Variants in PPP4R2 observed in about 807,000 individuals in gnomAD.
PPP4R2 encodes the protein protein phosphatase 4 regulatory subunit 2.
In PPP4R2, 13 loss-of-function variants were observed where a neutral mutation model predicts 47.2. The ratio of observed to expected loss-of-function variants is 0.28; its 90% CI spans 0.18 to 0.44. The LOEUF (loss-of-function observed/expected upper bound fraction) is 0.44. PPP4R2 is among the 20% of genes least tolerant of loss of function. PPP4R2 has a pLI of 1.00. For missense variants in PPP4R2, 421 were observed against 491.2 expected, an observed-to-expected ratio of 0.86 and a Z score of 1.35; for synonymous variants, 151 against 163.3, an observed-to-expected ratio of 0.92 and a Z score of 0.57.
chr3:73,037,484 G>T (rs940499851), intron 2 of PPP4R2, among the ~76,000 whole-genome samples: 3 of 152,064 alleles, frequency 2.0e-5, no homozygotes, highest in Non-Finnish European at 4.4e-5. Context: ...CCCTCCCATG[G>T]TTCATTTGGC....
At chr3:73,006,365 G>GT (rs1174815788) in intron 2 of PPP4R2, among the ~76,000 whole-genome samples, 2 of 151,638 alleles carry the variant, frequency 1.3e-5, no homozygotes, top group African/African-American at 4.8e-5. Context: ...TGCCTGGCTA[G>GT]TTTTTGTATT....
intron 2 of PPP4R2, among the ~76,000 whole-genome samples, chr3:73,021,848 ATGTGTGTGTGTG>A (rs34010770): frequency 9.2e-5 from 12 of 130,972 alleles, no homozygotes; most frequent in Admixed American, 1.6e-4. Flanking sequence ...ACATTTCTAT[ATGTGTGTGTGTG>A]TGTGTGTGTG....
At chr3:73,001,568 T>G (rs1701458750) in intron 2 of PPP4R2, among the ~76,000 whole-genome samples, 1 of 152,192 alleles carries the variant, frequency 6.6e-6, no homozygotes, top group South Asian at 2.1e-4. Flanking sequence ...AGTAAGACCT[T>G]GTCTCAAACA....
intron 6 of PPP4R2, 96 bp from the exon 7 acceptor site, chr3:73,063,907 G>A (rs914139089): frequency 1.6e-4 from 197 of 1,258,740 alleles, no homozygotes; most frequent in Non-Finnish European, 2.1e-4. Context: ...AAACAAAGTT[G>A]CAGCAAATAC....
intron 3 of PPP4R2, among the ~76,000 whole-genome samples, chr3:73,049,404 C>T (rs1280189490): frequency 1.3e-5 from 2 of 151,878 alleles, no homozygotes; most frequent in African/African-American, 4.8e-5. Context: ...GAGACTGAGG[C>T]AGGAAAATGG....
At chr3:73,011,277 C>A (rs535378777) in intron 2 of PPP4R2, among the ~76,000 whole-genome samples, 2 of 152,138 alleles carry the variant, frequency 1.3e-5, no homozygotes, top group South Asian at 4.1e-4. Flanking sequence ...GTCAGGAGTT[C>A]GAGACTAGCC....
intron 3 of PPP4R2, among the ~76,000 whole-genome samples, chr3:73,058,243 G>GATTATAT (rs2107332130): frequency 6.6e-6 from 1 of 152,146 alleles, no homozygotes; most frequent in South Asian, 2.1e-4. Context: ...ATTAAACTTA[G>GATTATAT]ATTATATATG....
chr3:73,025,017 C>CT (rs1303063268), intron 2 of PPP4R2, among the ~76,000 whole-genome samples: 2 of 152,138 alleles, frequency 1.3e-5, no homozygotes, highest in Non-Finnish European at 2.9e-5. Flanking sequence ...GAGTTCCAGT[C>CT]TTGGTGTCTT....
chr3:73,030,806 A>G (rs1334305526), intron 2 of PPP4R2, among the ~76,000 whole-genome samples: 1 of 151,882 alleles, frequency 6.6e-6, no homozygotes, highest in East Asian at 1.9e-4. Context: ...GATTCAAGCA[A>G]TTATCCTGCC....
intron 2 of PPP4R2, among the ~76,000 whole-genome samples, chr3:73,038,179 C>G (rs1242902238): frequency 2.6e-5 from 4 of 152,122 alleles, no homozygotes; most frequent in East Asian, 1.9e-4. Flanking sequence ...AAAAGTGACA[C>G]TCTAGTTTCA....
intron 2 of PPP4R2, among the ~76,000 whole-genome samples, chr3:73,011,785 G>A (rs1701730893): frequency 1.3e-5 from 2 of 152,094 alleles, no homozygotes; most frequent in African/African-American, 2.4e-5. Flanking sequence ...ATTTTAACTT[G>A]AAGTGACTCT....
intron 2 of PPP4R2, among the ~76,000 whole-genome samples, chr3:73,022,995 A>G (rs1247401585): frequency 2.6e-5 from 4 of 152,100 alleles, no homozygotes; most frequent in Admixed American, 6.6e-5. Flanking sequence ...ACAGTTTAGT[A>G]TGTTGCTTTT....
At chr3:73,030,038 T>C (rs756526598) in intron 2 of PPP4R2, among the ~76,000 whole-genome samples, 3 of 152,154 alleles carry the variant, frequency 2.0e-5, no homozygotes, top group East Asian at 1.9e-4. Flanking sequence ...TTAAGGACTT[T>C]TATTACAAAG....
intron 2 of PPP4R2, among the ~76,000 whole-genome samples, chr3:73,020,508 G>T (rs769549116): frequency 6.6e-6 from 1 of 151,538 alleles, no homozygotes; most frequent in Non-Finnish European, 1.5e-5. Flanking sequence ...TCACTACAAA[G>T]AAATGCAAAA....
chr3:73,024,292 AAAATC>A, intron 2 of PPP4R2, among the ~76,000 whole-genome samples: 1 of 152,180 alleles, frequency 6.6e-6, no homozygotes, highest in Non-Finnish European at 1.5e-5. Flanking sequence ...TTATCAAACT[AAAATC>A]AAGGGATAAA....
Position 73,065,102 on chromosome 3 carries a change from A to G in PPP4R2, c.889A>G (p.Thr297Ala). The change falls in exon 8 of 9, where the codon ACA becomes GCA. Residue 297 changes from threonine to alanine, a missense_variant. Thr to Ala is a moderately conservative substitution (Grantham distance 58). This residue lies in a region of PPP4R2 where 317 missense variants were observed against 287.5 expected (regional missense o/e 1.10). Transcript: ENST00000356692. ...TAGCCGTTGTACCCGGCAGCACTGT[A>G]CAGAAGAGGATGAAGAAGAGGATGA... ...KDSRCTRQHCTEEDEEEDEEE... is the reference protein window; with the variant it reads ...KDSRCTRQHCAEEDEEEDEEE... 1 of 1,613,738 alleles carries G rather than the reference A, an allele frequency of 6.2e-7. No individual in the cohort carries two copies. The highest frequency in any genetic ancestry group is 8.5e-7 in the Non-Finnish European group (1 of 1,179,844).
chr3:73,047,254 C>G lies in PPP4R2; in HGVS notation c.185C>G (p.Thr62Ser), dbSNP rs1202025536. Residue 62 changes from threonine (T) to serine (S), a missense_variant, in exon 3 of 9, where the codon ACT becomes AGT. By Grantham distance (58) the Thr-to-Ser change is moderately conservative. Transcript: ENST00000356692. ...GAGAAAGTGATGGATGATTTCAGAACTTCAGCTCCTGAGCCAAGAGGTCCT... is the reference window on the plus strand; with the variant it reads ...GAGAAAGTGATGGATGATTTCAGAAGTTCAGCTCCTGAGCCAAGAGGTCCT... ...KLEKVMDDFR[T>S]SAPEPRGPPN... The G allele has an allele frequency of 1.2e-6, 2 of 1,605,956 alleles. No individual in the cohort carries two copies. The highest frequency in any genetic ancestry group is 1.7e-5 in the Admixed American group (1 of 59,400).
chr3:73,052,241 C>CTTT (rs71845467), intron 3 of PPP4R2, among the ~76,000 whole-genome samples: 9,192 of 137,190 alleles, frequency 0.067, 556 homozygotes, highest in African/African-American at 0.13. Flanking sequence ...TAATTTCTTT[C>CTTT]TTTTCTTTTT....
intron 6 of PPP4R2, 55 bp from the exon 7 acceptor site, chr3:73,063,948 A>T (rs1425324957): frequency 2.0e-6 from 3 of 1,481,214 alleles, no homozygotes; most frequent in Non-Finnish European, 1.8e-6. Context: ...AACATACCTT[A>T]AGAGGGATGA....
Sources: allele counts gnomAD v4.1 joint callset (sites outside exome capture counted in the v4.1 genomes callset), GRCh38; gene constraint gnomAD v4.1.1; regional missense constraint gnomAD v4.1.1; transcripts MANE v1.5; gene names NCBI Gene and HGNC (gene_info 2026-07-23, HGNC 2026-07-21).